MIA3: variants seen among roughly 807,000 people sequenced by gnomAD.
The protein encoded by MIA3 is transport and Golgi organization protein 1 homolog.
MIA3 carries 90 observed loss-of-function variants against 192.4 expected under a neutral mutation model. The observed-to-expected ratio is 0.47, with a 90% confidence interval of 0.39 to 0.56. MIA3 has a LOEUF of 0.56. Among genes scored for constraint, MIA3 ranks in the 20% least tolerant of loss-of-function variants. The pLI is 0.00. For synonymous variants in MIA3, 740 were observed against 792.8 expected, an observed-to-expected ratio of 0.93 and a Z score of 1.12; for missense variants, 2,123 against 2,269.4, an observed-to-expected ratio of 0.94 and a Z score of 1.31.
At chr1:222,658,698 C>G in intron 18 of MIA3, 24 bp from the exon 19 acceptor site, 1 of 1,544,722 alleles carries the variant, frequency 6.5e-7, no homozygotes, top group East Asian at 2.3e-5. Context: ...GAAACACTTT[C>G]ATTGACAACC....
At chr1:222,625,110 C>T (rs1281458835) in intron 3 of MIA3, among the ~76,000 whole-genome samples, 1 of 151,708 alleles carries the variant, frequency 6.6e-6, no homozygotes, top group African/African-American at 2.4e-5. Context: ...CCTGGGTTCA[C>T]GCCATTCTCC....
intron 24 of MIA3, chr1:222,660,625 T>C (rs1319533221): frequency 4.9e-6 from 1 of 203,530 alleles, no homozygotes; most frequent in Admixed American, 5.6e-5. Flanking sequence ...ACAACACAAG[T>C]TTGGTCTGTG....
At position 222,653,078 on chromosome 1, in the gene MIA3, A is replaced by G. The variant is rs1663525836; in HGVS notation, c.4157A>G (p.Lys1386Arg). The change falls in exon 14 of 28, where the codon AAG (lysine) becomes AGG (arginine). Residue 1386 changes from lysine to arginine, a missense_variant. By Grantham distance (26) the Lys-to-Arg change is conservative (BLOSUM62 2). Around this residue, in one of 3 missense-constraint regions of MIA3, gnomAD observed 762 missense variants for 856.4 expected, o/e 0.89. Coordinates refer to ENST00000344922, the MANE Select transcript of MIA3 (RefSeq NM_198551.4). ...AGTGAGCAAATCAAATCATTTGAGA[A>G]GTCTCAGAAAGATTTGGAAGTAGCT... ...ELSEQIKSFE[K>R]SQKDLEVALT... The G allele has an allele frequency of 6.2e-7, 1 of 1,612,824 alleles. No homozygotes were observed. The highest frequency in any genetic ancestry group is 8.5e-7 in the Non-Finnish European group (1 of 1,178,928).
intron 6 of MIA3, among the ~76,000 whole-genome samples, chr1:222,643,535 GTC>G (rs1662959826): frequency 1.3e-5 from 2 of 152,044 alleles, no homozygotes; most frequent in Non-Finnish European, 2.9e-5. Context: ...ACCTTTAAAG[GTC>G]TAAAAATGGT....
chr1:222,630,354 C>G lies in MIA3; in HGVS notation c.3134C>G (p.Pro1045Arg). Residue 1045 changes from proline to arginine, a missense_variant, in exon 4 of 28, where the codon CCA (proline) becomes CGA (arginine). Pro to Arg is a moderately radical substitution (Grantham distance 103). Transcript: ENST00000344922. ...AEETATLVMAPPLEEGLGGAM... is the reference protein window; with the variant it reads ...AEETATLVMARPLEEGLGGAM... ...GAGACAGCCACACTGGTGATGGCAC[C>G]ACCTCTAGAGGAAGGCTTGGGTGGA... is the stretch of plus-strand genomic sequence containing the variant. 1 of 1,612,848 alleles carries G rather than the reference C, an allele frequency of 6.2e-7. No individual in the cohort carries two copies. Among genetic ancestry groups the G allele is most frequent in the East Asian group, 2.2e-5 (1 of 44,882 alleles).
chr1:222,641,431 C>G (rs1160557481), intron 6 of MIA3: 1 of 490,338 alleles, frequency 2.0e-6, no homozygotes, highest in East Asian at 5.5e-5. Flanking sequence ...TTAGCAGTAG[C>G]CTGAGCTGCC....
At chr1:222,619,581 C>T (rs905755590) in intron 1 of MIA3, among the ~76,000 whole-genome samples, 2 of 152,198 alleles carry the variant, frequency 1.3e-5, no homozygotes, top group Non-Finnish European at 2.9e-5. Context: ...CTTTAGTTTT[C>T]TTGGGTCAAA....
At chr1:222,648,787 AAAATGTTTGACATC>A in intron 7 of MIA3, 28 bp from the exon 8 acceptor site, 1 of 1,104,672 alleles carries the variant, frequency 9.1e-7, no homozygotes, top group Non-Finnish European at 1.4e-6. Flanking sequence ...ATCTATTAAT[AAAATGTTTGACATC>A]AAATTTAATT....
chr1:222,664,914 C>T (rs1045343143), intron 27 of MIA3: 8 of 466,874 alleles, frequency 1.7e-5, no homozygotes, highest in Admixed American at 2.4e-5. Context: ...CAGTGGCTCA[C>T]GCCTGTAATC....
At chr1:222,633,692 T>C (rs1479703531) in intron 6 of MIA3, among the ~76,000 whole-genome samples, 1 of 151,940 alleles carries the variant, frequency 6.6e-6, no homozygotes, top group Non-Finnish European at 1.5e-5. Context: ...GGAGCTTGAC[T>C]TGGAGTTGTC....
At chr1:222,633,778 A>G (rs938156060) in intron 6 of MIA3, among the ~76,000 whole-genome samples, 3 of 152,016 alleles carry the variant, frequency 2.0e-5, no homozygotes, top group Non-Finnish European at 2.9e-5. Flanking sequence ...TAACACATTC[A>G]GAGAAATGGA....
At chr1:222,634,633 T>A (rs986087065) in intron 6 of MIA3, among the ~76,000 whole-genome samples, 5 of 152,342 alleles carry the variant, frequency 3.3e-5, no homozygotes, top group African/African-American at 1.2e-4. Context: ...TTGGACTTTT[T>A]TTCTTGGTAA....
In MIA3 at chr1:222,652,201, TTCACTAA is replaced by T. The variant is rs759871411; in HGVS notation, c.3982-25_3982-19del. ...TTTTTCTGGTTTTCTTTGGAATTAATTCACTAATAGGAGTGTTTTGCATTAGGTTCAG... is the reference window on the plus strand; with the variant it reads ...TTTTTCTGGTTTTCTTTGGAATTAATTAGGAGTGTTTTGCATTAGGTTCAG... On this transcript the variant is annotated intron_variant, in intron 12 of 27. Coordinates refer to ENST00000344922, the MANE Select transcript of MIA3 (RefSeq NM_198551.4). 12 of 1,545,246 alleles carry T rather than the reference TTCACTAA, an allele frequency of 7.8e-6. No individual in the cohort carries two copies. In the South Asian group the frequency reaches 1.2e-4, roughly 16 times the overall value.
At chr1:222,650,198 T>C (rs1663351763) in intron 8 of MIA3, 94 bp from the exon 9 acceptor site, 1 of 755,942 alleles carries the variant, frequency 1.3e-6, no homozygotes, top group South Asian at 1.5e-5. Flanking sequence ...TTTTTTGTCA[T>C]AGTGCAAGAT....
At chr1:222,655,000 C>T (rs780053577) in intron 18 of MIA3, among the ~76,000 whole-genome samples, 10 of 152,298 alleles carry the variant, frequency 6.6e-5, no homozygotes, top group Middle Eastern at 3.4e-3. Context: ...TTGCCTGTAA[C>T]TCACTTAAGG....
In MIA3 at chr1:222,629,281, G is replaced by A; in HGVS notation, c.2061G>A (p.Leu687=). 1 of 1,614,180 alleles carries A rather than the reference G, an allele frequency of 6.2e-7. No individual in the cohort carries two copies. The highest frequency in any genetic ancestry group is 8.5e-7 in the Non-Finnish European group (1 of 1,180,044). ...LSEGEAKEDS[L]DEEFFHHKAM... ...AGGGAGAAGCCAAAGAGGACTCCTT[G>A]GATGAAGAGTTTTTTCATCACAAGG... Residue 687 remains leucine, a synonymous_variant, in exon 4 of 28, where the codon TTG becomes TTA. Transcript: ENST00000344922.
At chr1:222,664,232 C>A in intron 27 of MIA3, 84 bp downstream of exon 27, 3 of 1,450,676 alleles carry the variant, frequency 2.1e-6, no homozygotes, top group Non-Finnish European at 2.9e-6. Flanking sequence ...ACTGCAATTG[C>A]GGGGCTTTGC....
chr1:222,645,960 G>A lies in MIA3; in HGVS notation c.3609+275G>A, dbSNP rs928396100. 1.3e-5 allele frequency: 4 copies of A among 307,398 alleles called. No individual in the cohort carries two copies. The South Asian group carries it at 1.4e-4, about 11-fold the overall frequency. 19.0% of individuals were successfully genotyped at this position (307,398 alleles called of 1,614,324 possible). ...TGGGTCTGTATTTCAACTCACAAAG[G>A]ATGAAAAGAAAGAATTAGATAGGTC... On this transcript the variant is annotated intron_variant, in intron 7 of 27. Transcript: ENST00000344922.
intron 2 of MIA3, among the ~76,000 whole-genome samples, chr1:222,624,184 T>C (rs765235292): frequency 6.6e-6 from 1 of 152,288 alleles, no homozygotes; most frequent in African/African-American, 2.4e-5. Flanking sequence ...CATATGTAGA[T>C]CCTAGTGTAT....
Sources: allele counts gnomAD v4.1 joint callset (sites outside exome capture counted in the v4.1 genomes callset), GRCh38; gene constraint gnomAD v4.1.1; regional missense constraint gnomAD v4.1.1; transcripts MANE v1.5; gene names NCBI Gene and HGNC (gene_info 2026-07-23, HGNC 2026-07-21).